Variants in ARHGAP18 observed in about 807,000 individuals in gnomAD.
ARHGAP18 encodes rho GTPase-activating protein 18.
A neutral mutation model predicts 86.2 loss-of-function variants in ARHGAP18; 67 were observed. The observed-to-expected ratio is 0.78, with a 90% CI of 0.64 to 0.95. The LOEUF is 0.95. Among genes scored for constraint, ARHGAP18 ranks in the 40% least tolerant of loss-of-function variants. ARHGAP18 has a pLI of 0.00. For synonymous variants in ARHGAP18, 283 were observed against 280.4 expected, an observed-to-expected ratio of 1.01 and a Z score of -0.09; for missense variants, 691 against 780.4, an observed-to-expected ratio of 0.89 and a Z score of 1.37.
At chr6:129,708,226 C>G (rs147550555) in intron 1 of ARHGAP18, among the ~76,000 whole-genome samples, 65 of 152,292 alleles carry the variant, frequency 4.3e-4, no homozygotes, top group African/African-American at 1.2e-3. Context: ...ATATCAGGAA[C>G]GATCCCTAGA....
chr6:129,579,990 C>T, intron 14 of ARHGAP18, 80 bp downstream of exon 14: 3 of 1,206,852 alleles, frequency 2.5e-6, no homozygotes, highest in Non-Finnish European at 3.6e-6. Flanking sequence ...ATTTCCTGTT[C>T]TTCCTCCAAA....
chr6:129,632,842 T>C (rs1773247526), intron 4 of ARHGAP18, among the ~76,000 whole-genome samples: 1 of 152,132 alleles, frequency 6.6e-6, no homozygotes, highest in African/African-American at 2.4e-5. Context: ...TCTTGAGTAA[T>C]GTAGGATTTT....
chr6:129,671,049 C>G (rs1447773830), intron 1 of ARHGAP18, among the ~76,000 whole-genome samples: 1 of 152,216 alleles, frequency 6.6e-6, no homozygotes, highest in East Asian at 1.9e-4. Context: ...TGGACACCCT[C>G]TAGTTCAGTG....
At chr6:129,694,602 A>C (rs976182830) in intron 1 of ARHGAP18, among the ~76,000 whole-genome samples, 7 of 152,234 alleles carry the variant, frequency 4.6e-5, no homozygotes, top group African/African-American at 1.7e-4. Flanking sequence ...AGAAACTATC[A>C]TGTTGGAATA....
intron 1 of ARHGAP18, among the ~76,000 whole-genome samples, chr6:129,646,734 T>G (rs1773587894): frequency 6.6e-6 from 1 of 152,188 alleles, no homozygotes; most frequent in South Asian, 2.1e-4. Context: ...CGTTCAATCT[T>G]TTACAATATT....
chr6:129,651,461 C>T (rs773412149), intron 1 of ARHGAP18, among the ~76,000 whole-genome samples: 2 of 152,130 alleles, frequency 1.3e-5, no homozygotes, highest in Non-Finnish European at 2.9e-5. Context: ...GAATGCCTTA[C>T]TCTCTGGTTG....
intron 13 of ARHGAP18, among the ~76,000 whole-genome samples, chr6:129,580,928 G>A (rs957310371): frequency 6.6e-6 from 1 of 152,034 alleles, no homozygotes; most frequent in African/African-American, 2.4e-5. Context: ...GTGCAAATGA[G>A]GGCAGCACAG....
At chr6:129,625,527 CTA>C (rs1400266543) in intron 5 of ARHGAP18, among the ~76,000 whole-genome samples, 1 of 25,226 alleles carries the variant, frequency 4.0e-5, no homozygotes. Flanking sequence ...TATATTATAA[CTA>C]TACATTATAT....
At chr6:129,605,483 T>C (rs910088682) in intron 10 of ARHGAP18, among the ~76,000 whole-genome samples, 2 of 152,120 alleles carry the variant, frequency 1.3e-5, no homozygotes, top group African/African-American at 4.8e-5. Flanking sequence ...TTATATTTGA[T>C]AAAACTTAGG....
chr6:129,697,605 T>C (rs1345776444), intron 1 of ARHGAP18, among the ~76,000 whole-genome samples: 4 of 152,126 alleles, frequency 2.6e-5, no homozygotes, highest in Non-Finnish European at 5.9e-5. Context: ...TCTAAGAAAA[T>C]AACAGGAGAC....
chr6:129,659,689 C>T (rs1773912064), intron 1 of ARHGAP18, among the ~76,000 whole-genome samples: 1 of 152,152 alleles, frequency 6.6e-6, no homozygotes, highest in East Asian at 1.9e-4. Flanking sequence ...CCAGGCTGGT[C>T]TTGAACTCTT....
chr6:129,628,526 T>G (rs534521183), intron 5 of ARHGAP18, among the ~76,000 whole-genome samples: 2 of 152,134 alleles, frequency 1.3e-5, no homozygotes, highest in Non-Finnish European at 2.9e-5. Flanking sequence ...AATGGGGAGA[T>G]CTAGTGAACA....
rs143111967 is a variant in ARHGAP18 at position 129,616,271 on chromosome 6, G to C, written c.985C>G (p.Leu329Val). The C allele has an allele frequency of 1.2e-6, 2 of 1,610,566 alleles. No homozygotes were observed. Among genetic ancestry groups the C allele is most frequent in the African/African-American group, 1.3e-5 (1 of 74,842 alleles). ...SGLFCVPLTA[L>V]LEQDQRKVPG... ...ACTTTCCTCTGATCTTGTTCTAATAGCGCTGTCAATGGAACGCAAAAAAGA... is the reference window on the plus strand; with the variant it reads ...ACTTTCCTCTGATCTTGTTCTAATACCGCTGTCAATGGAACGCAAAAAAGA... Residue 329 changes from leucine (L) to valine (V), a missense_variant, in exon 7 of 15, where the codon CTA (leucine) becomes GTA (valine). Coordinates refer to ENST00000368149, the MANE Select transcript of ARHGAP18 (RefSeq NM_033515.3).
chr6:129,696,392 T>C (rs1349651668), intron 1 of ARHGAP18, among the ~76,000 whole-genome samples: 6 of 152,250 alleles, frequency 3.9e-5, no homozygotes, highest in South Asian at 2.1e-4. Context: ...CTCAGTACTC[T>C]ATTCTTCCCA....
At chr6:129,706,330 T>C (rs1774801786) in intron 1 of ARHGAP18, among the ~76,000 whole-genome samples, 21 of 152,208 alleles carry the variant, frequency 1.4e-4, no homozygotes, top group Admixed American at 1.4e-3. Flanking sequence ...AACATTCAAC[T>C]GTGTACAAGT....
chr6:129,694,078 G>T (rs1774572333), intron 1 of ARHGAP18, among the ~76,000 whole-genome samples: 1 of 152,140 alleles, frequency 6.6e-6, no homozygotes, highest in African/African-American at 2.4e-5. Flanking sequence ...GAATTGCCTA[G>T]AATCCAGACT....
At chr6:129,686,107 C>T (rs1304023668) in intron 1 of ARHGAP18, among the ~76,000 whole-genome samples, 1 of 152,188 alleles carries the variant, frequency 6.6e-6, no homozygotes, top group Non-Finnish European at 1.5e-5. Context: ...CGAGCTCTCC[C>T]GTGATGCAGC....
At chr6:129,594,100 T>C (rs1423180240) in intron 12 of ARHGAP18, among the ~76,000 whole-genome samples, 1 of 152,206 alleles carries the variant, frequency 6.6e-6, no homozygotes, top group Non-Finnish European at 1.5e-5. Flanking sequence ...TGCATGCCAC[T>C]GCATTGAGTC....
intron 8 of ARHGAP18, among the ~76,000 whole-genome samples, chr6:129,610,165 T>C (rs1274263860): frequency 6.6e-6 from 1 of 152,182 alleles, no homozygotes; most frequent in African/African-American, 2.4e-5. Flanking sequence ...AAAGGTGAAT[T>C]TGGAAGATAG....
Sources: gnomAD v4.1 joint callset for allele counts (sites outside exome capture counted in the v4.1 genomes callset) on GRCh38, gnomAD v4.1.1 for gene constraint, MANE v1.5 for transcripts, NCBI Gene and HGNC (gene_info 2026-07-23, HGNC 2026-07-21) for gene names.